Variants in MYO1E observed in about 807,000 individuals in gnomAD.
MYO1E encodes the protein unconventional myosin-Ie.
In MYO1E, 68 loss-of-function variants were observed where a neutral mutation model predicts 151.1. The observed-to-expected ratio is 0.45, with a 90% CI of 0.37 to 0.55. The LOEUF (loss-of-function observed/expected upper bound fraction) is 0.55. Among genes scored for constraint, MYO1E ranks in the 20% least tolerant of loss-of-function variants. The pLI is 0.00. For synonymous variants in MYO1E, 601 were observed against 501.7 expected, an observed-to-expected ratio of 1.20 and a Z score of -2.64; for missense variants, 1,363 against 1,389.3, an observed-to-expected ratio of 0.98 and a Z score of 0.30.
At chr15:59,156,525 T>G (rs1447292277) in intron 25 of MYO1E, among the ~76,000 whole-genome samples, 4 of 152,200 alleles carry the variant, frequency 2.6e-5, no homozygotes, top group African/African-American at 9.7e-5. Context: ...GATGGGGTTT[T>G]GCTGTGTTGC....
chr15:59,212,373 G>A lies in MYO1E; in HGVS notation c.1276-1773C>T, dbSNP rs147884714. 2.9e-3 allele frequency among the ~76,000 whole-genome samples: 438 copies of A among 152,096 alleles called. 2 individuals are homozygous for A. The highest frequency in any genetic ancestry group is 9.9e-3 in the African/African-American group (413 of 41,512). On this transcript the variant is annotated intron_variant, in intron 12 of 27. Transcript: ENST00000288235. ...GGCAGGTTCCAGGGCAGAAGGTCAC[G>A]TGAAACCCCCTGGTATGGTGTTTCC...
rs750231278 is a variant in MYO1E, at chr15:59,311,538, A to AG, written c.4-39090dup. 1.2e-3 allele frequency among the ~76,000 whole-genome samples: 181 copies of AG among 152,294 alleles called. 3 individuals carry two copies. In the Middle Eastern group the frequency reaches 0.014, roughly 11 times the overall value. ...CCAGAAGTTTGGGCAGTTCTGAAGC[A>AG]GGCAGAAGGACCTGCAGCTTTGGGC... On this transcript the variant is annotated intron_variant, in intron 1 of 27. Transcript: ENST00000288235.
chr15:59,212,181 T>C (rs1190902363), intron 12 of MYO1E, among the ~76,000 whole-genome samples: 1 of 151,994 alleles, frequency 6.6e-6, no homozygotes, highest in Non-Finnish European at 1.5e-5. Context: ...TGGGGAAGGC[T>C]AGAGGTTCAC....
intron 17 of MYO1E, among the ~76,000 whole-genome samples, chr15:59,191,991 A>C (rs2079737122): frequency 6.6e-6 from 1 of 152,230 alleles, no homozygotes; most frequent in African/African-American, 2.4e-5. Flanking sequence ...ACAGGAAAAG[A>C]AAAACCCTAC....
chr15:59,371,351 C>G (rs2080943155), intron 1 of MYO1E, among the ~76,000 whole-genome samples: 1 of 151,908 alleles, frequency 6.6e-6, no homozygotes, highest in Non-Finnish European at 1.5e-5. Flanking sequence ...AAAACAACAG[C>G]AAACCAGAAG....
intron 1 of MYO1E, among the ~76,000 whole-genome samples, chr15:59,337,092 G>T (rs577855731): frequency 7.9e-5 from 12 of 151,728 alleles, no homozygotes; most frequent in Non-Finnish European, 1.0e-4. Flanking sequence ...TTATTGAATT[G>T]TTTATCTTTT....
chr15:59,136,014 A>G lies in MYO1E; in HGVS notation c.*1366T>C. On this transcript the variant is annotated 3_prime_UTR_variant, in exon 28 of 28. Transcript: ENST00000288235. ...ATTGCCTCACAGTTCTGGAGGTTGGAAGTCCAAGACCAAGGTGGGCAGGGC... is the reference window on the plus strand; with the variant it reads ...ATTGCCTCACAGTTCTGGAGGTTGGGAGTCCAAGACCAAGGTGGGCAGGGC... The G allele has an allele frequency of 6.6e-6, 1 of 152,404 alleles. No homozygotes were observed. Among genetic ancestry groups the G allele is most frequent in the Non-Finnish European group, 1.5e-5 (1 of 68,114 alleles). The allele number at this position is 152,404 out of a possible 1,614,324, so 9.4% of individuals were successfully genotyped here. A position where few individuals can be genotyped will look rare whatever the true frequency, so the allele number is the denominator to read the frequency against.
intron 4 of MYO1E, among the ~76,000 whole-genome samples, chr15:59,254,483 A>C (rs1419422051): frequency 6.6e-6 from 1 of 152,068 alleles, no homozygotes; most frequent in Non-Finnish European, 1.5e-5. Context: ...TCTTTTCTTG[A>C]CCTTGGAAAT....
chr15:59,224,913 C>T, intron 7 of MYO1E, 90 bp from the exon 8 acceptor site: 1 of 1,546,694 alleles, frequency 6.5e-7, no homozygotes, highest in Non-Finnish European at 8.9e-7. Flanking sequence ...TCCCTAAGGA[C>T]TTTCTATCTC....
At chr15:59,347,247 G>A (rs868729100) in intron 1 of MYO1E, among the ~76,000 whole-genome samples, 1 of 152,194 alleles carries the variant, frequency 6.6e-6, no homozygotes, top group African/African-American at 2.4e-5. Flanking sequence ...ATTGTGAACC[G>A]AATATACGCA....
At chr15:59,245,031 C>A (rs2080121433) in intron 4 of MYO1E, among the ~76,000 whole-genome samples, 1 of 152,190 alleles carries the variant, frequency 6.6e-6, no homozygotes, top group South Asian at 2.1e-4. Context: ...CCATGCAACC[C>A]CGTCATAGTC....
At chr15:59,173,981 G>T (rs370334963) in intron 20 of MYO1E, 66 bp from the exon 21 acceptor site, 104 of 1,561,850 alleles carry the variant, frequency 6.7e-5, no homozygotes, top group Middle Eastern at 5.1e-4. Context: ...GGAAAATACT[G>T]TGGAAATATA....
At chr15:59,298,369 G>A (rs951770748) in intron 1 of MYO1E, among the ~76,000 whole-genome samples, 56 of 152,310 alleles carry the variant, frequency 3.7e-4, no homozygotes, top group Non-Finnish European at 4.7e-4. Flanking sequence ...GGCTGAGGTT[G>A]CCCGATAGCT....
intron 26 of MYO1E, among the ~76,000 whole-genome samples, chr15:59,139,400 T>C (rs1469432634): frequency 7.2e-6 from 1 of 138,838 alleles, no homozygotes; most frequent in East Asian, 2.4e-4. Context: ...TTCCCTCCCA[T>C]CCCTCATTAT....
At chr15:59,198,749 G>T (rs1298980489) in intron 16 of MYO1E, among the ~76,000 whole-genome samples, 3 of 151,740 alleles carry the variant, frequency 2.0e-5, no homozygotes, top group African/African-American at 7.3e-5. Flanking sequence ...AATCTGGGAG[G>T]CAGAGGTTGC....
intron 14 of MYO1E, chr15:59,207,732 C>T (rs1210346527): frequency 1.2e-6 from 2 of 1,614,010 alleles, no homozygotes; most frequent in African/African-American, 2.7e-5. Flanking sequence ...AGGATCTGAA[C>T]TCTGATATAG....
chr15:59,226,742 G>A (rs1191031794), intron 7 of MYO1E, among the ~76,000 whole-genome samples: 2 of 152,214 alleles, frequency 1.3e-5, no homozygotes, highest in East Asian at 1.9e-4. Flanking sequence ...AGGATGCAGA[G>A]GTTGCAGTGA....
intron 14 of MYO1E, chr15:59,207,488 T>A (rs776625849): frequency 6.2e-7 from 1 of 1,614,048 alleles, no homozygotes; most frequent in Admixed American, 1.7e-5. Flanking sequence ...TGCAAACTGA[T>A]TATTGTTTCC....
chr15:59,241,582 A>T (rs1566989752), intron 4 of MYO1E, among the ~76,000 whole-genome samples: 2 of 152,142 alleles, frequency 1.3e-5, no homozygotes, highest in African/African-American at 4.8e-5. Flanking sequence ...ATGCGCCTGT[A>T]GTCCCAGCTG....
Sources: allele counts gnomAD v4.1 joint callset (sites outside exome capture counted in the v4.1 genomes callset), GRCh38; gene constraint gnomAD v4.1.1; transcripts MANE v1.5; gene names NCBI Gene and HGNC (gene_info 2026-07-23, HGNC 2026-07-21).